The following ELMO1 variants were observed in gnomAD, a reference collection of about 807,000 sequenced individuals.
ELMO1 encodes the protein engulfment and cell motility 1.
In ELMO1, 26 loss-of-function variants were observed where a neutral mutation model predicts 98.9. That is an observed-to-expected ratio of 0.26 (90% CI 0.19 to 0.36). ELMO1 has a LOEUF of 0.36. ELMO1 is among the 10% of genes least tolerant of loss of function. The pLI is 1.00. For synonymous variants in ELMO1, 346 were observed against 346.0 expected (o/e 1.00, Z 0.00); for missense variants, 627 against 935.2 (o/e 0.67, Z 4.30).
intron 15 of ELMO1, among the ~76,000 whole-genome samples, chr7:37,036,526 C>T (rs1795183560): frequency 6.6e-6 from 1 of 152,146 alleles, no homozygotes; most frequent in African/African-American, 2.4e-5. Flanking sequence ...AGTGCCACCA[C>T]ATCATCTAGT....
At chr7:37,191,073 C>T (rs1262382274) in intron 13 of ELMO1, among the ~76,000 whole-genome samples, 1 of 150,416 alleles carries the variant, frequency 6.6e-6, no homozygotes, top group Non-Finnish European at 1.5e-5. Flanking sequence ...CCTGTGGTCC[C>T]AGCTACTCAG....
chr7:36,945,929 A>T (rs1238934737), intron 16 of ELMO1, among the ~76,000 whole-genome samples: 1 of 152,208 alleles, frequency 6.6e-6, no homozygotes, highest in African/African-American at 2.4e-5. Context: ...TGACATTTTT[A>T]AGAAACTCCT....
intron 6 of ELMO1, among the ~76,000 whole-genome samples, chr7:37,250,870 T>C (rs1795309149): frequency 6.6e-6 from 1 of 152,008 alleles, no homozygotes; most frequent in African/African-American, 2.4e-5. Context: ...CGCAGTTGAC[T>C]TTCCTGCCCA....
intron 1 of ELMO1, among the ~76,000 whole-genome samples, chr7:37,406,016 C>A (rs950389868): frequency 1.3e-5 from 2 of 152,176 alleles, no homozygotes; most frequent in Non-Finnish European, 2.9e-5. Context: ...AGAAGTCAAG[C>A]TCAAGCTGCA....
At chr7:36,935,112 G>C (rs975650900) in intron 16 of ELMO1, among the ~76,000 whole-genome samples, 1 of 152,152 alleles carries the variant, frequency 6.6e-6, no homozygotes, top group Non-Finnish European at 1.5e-5. Flanking sequence ...CTGTGGAAGG[G>C]ACCCAGTGGG....
intron 1 of ELMO1, among the ~76,000 whole-genome samples, chr7:37,370,252 A>G (rs1802064181): frequency 6.6e-6 from 1 of 152,156 alleles, no homozygotes; most frequent in African/African-American, 2.4e-5. Context: ...GGTCCCATTC[A>G]GAGTCCAAAG....
intron 16 of ELMO1, among the ~76,000 whole-genome samples, chr7:36,998,586 T>C (rs1471820582): frequency 1.3e-5 from 2 of 152,126 alleles, no homozygotes; most frequent in African/African-American, 2.4e-5. Context: ...GCATGTATGT[T>C]CATTTCCAAA....
intron 7 of ELMO1, among the ~76,000 whole-genome samples, chr7:37,237,218 T>C (rs1794515848): frequency 1.3e-5 from 2 of 152,244 alleles, no homozygotes; most frequent in Non-Finnish European, 2.9e-5. Flanking sequence ...AAATTTATGC[T>C]ACTAATTTTA....
chr7:37,250,066 A>G (rs1795256975), intron 6 of ELMO1, among the ~76,000 whole-genome samples: 1 of 152,208 alleles, frequency 6.6e-6, no homozygotes, highest in Non-Finnish European at 1.5e-5. Context: ...GCAACAGAGC[A>G]AGACTCTGAC....
At chr7:37,116,083 A>G (rs570011156) in intron 14 of ELMO1, among the ~76,000 whole-genome samples, 1 of 152,350 alleles carries the variant, frequency 6.6e-6, no homozygotes, top group East Asian at 1.9e-4. Context: ...TTAAAAAGGC[A>G]GAGAGGTCTG....
chr7:37,172,644 T>G (rs140391665), intron 13 of ELMO1, among the ~76,000 whole-genome samples: 14 of 152,320 alleles, frequency 9.2e-5, no homozygotes, highest in African/African-American at 2.9e-4. Context: ...TTAGAGTCTA[T>G]AGATAGTGGT....
At chr7:36,930,021 G>A (rs1052439149) in intron 16 of ELMO1, among the ~76,000 whole-genome samples, 1 of 152,210 alleles carries the variant, frequency 6.6e-6, no homozygotes, top group African/African-American at 2.4e-5. Context: ...TGGTCATTAG[G>A]TAGCACCCCT....
At chr7:36,861,636 A>C (rs1357006952) in intron 21 of ELMO1, 23 bp downstream of exon 21, 1 of 1,604,354 alleles carries the variant, frequency 6.2e-7, no homozygotes, top group East Asian at 2.2e-5. Context: ...TATCTCATAA[A>C]TTATCACCCC....
chr7:37,247,015 T>A (rs76391774), intron 6 of ELMO1, among the ~76,000 whole-genome samples: 5,629 of 152,246 alleles, frequency 0.037, 242 homozygotes, highest in East Asian at 0.1. Context: ...CTCTTTTGAC[T>A]TTTTCTTTAA....
rs1203511544 is a variant in ELMO1 at position 37,059,915 on chromosome 7, T to G, written c.1300+36704A>C. Among the ~76,000 whole-genome samples, 5 of 152,218 alleles carry G rather than the reference T, an allele frequency of 3.3e-5. No homozygotes were observed. The East Asian group carries it at 9.6e-4, about 29-fold the overall frequency. On this transcript the variant is annotated intron_variant, in intron 15 of 21. Transcript: ENST00000310758. Reference sequence around the variant, plus strand: ...ACAGAACTACACATGGGCCACCTGTTGGCGTTTATTTCTGACAATATCACT... The same window carrying G: ...ACAGAACTACACATGGGCCACCTGTGGGCGTTTATTTCTGACAATATCACT...
At chr7:37,311,620 G>A (rs1478312859) in intron 4 of ELMO1, among the ~76,000 whole-genome samples, 5 of 152,136 alleles carry the variant, frequency 3.3e-5, no homozygotes, top group Non-Finnish European at 5.9e-5. Flanking sequence ...GCCCAGGATC[G>A]ACCCTGTGGA....
At chr7:36,908,112 T>G (rs1458236205) in intron 16 of ELMO1, among the ~76,000 whole-genome samples, 1 of 152,236 alleles carries the variant, frequency 6.6e-6, no homozygotes, top group Non-Finnish European at 1.5e-5. Flanking sequence ...TCTATATCAC[T>G]TCCCATCTTG....
At chr7:37,434,232 T>A (rs1805050861) in intron 1 of ELMO1, among the ~76,000 whole-genome samples, 1 of 152,128 alleles carries the variant, frequency 6.6e-6, no homozygotes, top group Non-Finnish European at 1.5e-5. Flanking sequence ...TAATTTTTTT[T>A]AGTCACCACT....
At chr7:37,269,159 AAAACTATAAAAAAT>A (rs1354001757) in intron 5 of ELMO1, among the ~76,000 whole-genome samples, 6 of 152,274 alleles carry the variant, frequency 3.9e-5, no homozygotes, top group African/African-American at 1.4e-4. Flanking sequence ...AGCTACATGC[AAAACTATAAAAAAT>A]AACCTATTTA....
Sources: gnomAD v4.1 joint callset for allele counts (sites outside exome capture counted in the v4.1 genomes callset) on GRCh38, gnomAD v4.1.1 for gene constraint, MANE v1.5 for transcripts, NCBI Gene and HGNC (gene_info 2026-07-23, HGNC 2026-07-21) for gene names.